The following ATP8B4 variants were observed in gnomAD, a reference collection of about 807,000 sequenced individuals.
The protein encoded by ATP8B4 is probable phospholipid-transporting ATPase IM.
In ATP8B4, 133 loss-of-function variants were observed where a neutral mutation model predicts 145.6. The observed-to-expected ratio is 0.91, with a 90% CI of 0.79 to 1.05. The LOEUF is 1.05. Ranked by LOEUF, ATP8B4 falls within the 50% of genes least tolerant of loss-of-function variation. The probability of loss-of-function intolerance (pLI) is 0.00; values close to 1 mark genes in which losing one functional copy is unlikely to be tolerated. For synonymous variants in ATP8B4, 507 were observed against 492.9 expected, an observed-to-expected ratio of 1.03 and a Z score of -0.38; for missense variants, 1,458 against 1,425.2, an observed-to-expected ratio of 1.02 and a Z score of -0.37.
chr15:50,137,612 A>T (rs1165076154), intron 1 of ATP8B4, among the ~76,000 whole-genome samples: 1 of 152,252 alleles, frequency 6.6e-6, no homozygotes, highest in Non-Finnish European at 1.5e-5. Context: ...AATTGCCAAG[A>T]AATGCATAAC....
chr15:50,021,752 T>C (rs2049590809), intron 6 of ATP8B4, among the ~76,000 whole-genome samples: 1 of 152,242 alleles, frequency 6.6e-6, no homozygotes, highest in African/African-American at 2.4e-5. Flanking sequence ...TAGAATGTTG[T>C]TCACTAGGGC....
chr15:50,172,966 G>A (rs1490812405), intron 1 of ATP8B4, among the ~76,000 whole-genome samples: 1 of 150,796 alleles, frequency 6.6e-6, no homozygotes, highest in African/African-American at 2.4e-5. Context: ...CATCCGGGAG[G>A]TGGGGGGCAG....
chr15:50,131,791 T>C (rs1353139641), intron 1 of ATP8B4, among the ~76,000 whole-genome samples: 1 of 148,996 alleles, frequency 6.7e-6, no homozygotes, highest in Non-Finnish European at 1.5e-5. Context: ...ATAAATATTT[T>C]AATACTAAAA....
chr15:49,877,215 C>G (rs568943836), intron 24 of ATP8B4, among the ~76,000 whole-genome samples: 2 of 152,156 alleles, frequency 1.3e-5, no homozygotes, highest in Non-Finnish European at 2.9e-5. Flanking sequence ...CTTATCAAAC[C>G]TAATGTGCAC....
chr15:49,919,738 A>G (rs1237725898), intron 18 of ATP8B4, among the ~76,000 whole-genome samples: 4 of 152,100 alleles, frequency 2.6e-5, no homozygotes, highest in Non-Finnish European at 5.9e-5. Flanking sequence ...TCAAAAGTTG[A>G]GCAAAGCATA....
intron 12 of ATP8B4, among the ~76,000 whole-genome samples, chr15:49,975,294 C>T (rs995945066): frequency 2.0e-5 from 3 of 152,044 alleles, no homozygotes; most frequent in Non-Finnish European, 4.4e-5. Context: ...CATATAGATT[C>T]ATACCATAGT....
intron 20 of ATP8B4, among the ~76,000 whole-genome samples, chr15:49,906,717 G>T (rs530110028): frequency 6.6e-6 from 1 of 152,254 alleles, no homozygotes; most frequent in Non-Finnish European, 1.5e-5. Flanking sequence ...ATTTCTTTAA[G>T]TATCAAAAGA....
intron 26 of ATP8B4, among the ~76,000 whole-genome samples, chr15:49,863,823 A>T (rs972955963): frequency 1.4e-4 from 22 of 152,190 alleles, no homozygotes; most frequent in Admixed American, 7.2e-4. Context: ...GAAAAAAAAA[A>T]TTTTCCTGAA....
At chr15:49,897,165 T>A (rs1187438986) in intron 23 of ATP8B4, 127 bp downstream of exon 23, 1 of 843,040 alleles carries the variant, frequency 1.2e-6, no homozygotes, top group Non-Finnish European at 1.8e-6. Context: ...ATTGTAATAC[T>A]ATTACTTGAA....
chr15:49,934,222 A>C, intron 14 of ATP8B4, 40 bp from the exon 15 acceptor site: 2 of 1,551,104 alleles, frequency 1.3e-6, no homozygotes, highest in Non-Finnish European at 1.7e-6. Context: ...CCAAAACCTC[A>C]TTCCAATAAT....
intron 23 of ATP8B4, chr15:49,880,392 T>A (rs555374966): frequency 1.1e-4 from 17 of 152,326 alleles, no homozygotes; most frequent in African/African-American, 3.8e-4. Context: ...CAAGAAAGCA[T>A]CCACTATGCT....
At chr15:50,090,468 G>C (rs1432702105) in intron 2 of ATP8B4, among the ~76,000 whole-genome samples, 1 of 152,176 alleles carries the variant, frequency 6.6e-6, no homozygotes, top group East Asian at 1.9e-4. Flanking sequence ...AATGAAATTA[G>C]TGCCACCCCT....
intron 1 of ATP8B4, among the ~76,000 whole-genome samples, chr15:50,158,576 G>A (rs1331273957): frequency 7.9e-5 from 12 of 152,186 alleles, no homozygotes; most frequent in Admixed American, 7.8e-4. Context: ...GAGCCCCTCT[G>A]CCCGGCCACC....
rs920815018 is a variant in ATP8B4 at position 50,132,080 on chromosome 15, C to A, written c.-42-25072G>T. ...CACACACACTATAATAGTCATTCAA[C>A]AATTGGCCTGTGGTTTGGCACCCCC... On this transcript the variant is annotated intron_variant, in intron 1 of 3. Transcript: ENST00000558829. 5.1e-4 allele frequency among the ~76,000 whole-genome samples: 78 copies of A among 152,050 alleles called. 1 individual carries two copies. Among genetic ancestry groups the A allele is most frequent in the Admixed American group, 4.9e-3 (75 of 15,254 alleles).
intron 2 of ATP8B4, among the ~76,000 whole-genome samples, chr15:50,086,583 AAAT>A (rs1334878482): frequency 3.6e-5 from 4 of 112,102 alleles, no homozygotes; most frequent in African/African-American, 7.9e-5. Context: ...ATATATAATA[AAAT>A]AATATAGAGA....
chr15:50,073,015 TATATACAC>T (rs1481853754), intron 3 of ATP8B4, among the ~76,000 whole-genome samples: 201 of 35,830 alleles, frequency 5.6e-3, no homozygotes, highest in African/African-American at 0.021. Flanking sequence ...TATATATATA[TATATACAC>T]ACACACACAC....
chr15:50,024,722 C>G (rs2049876383), intron 6 of ATP8B4, among the ~76,000 whole-genome samples: 2 of 152,210 alleles, frequency 1.3e-5, no homozygotes, highest in Admixed American at 6.5e-5. Flanking sequence ...CTGGGGGCAG[C>G]TGCGAATGAA....
chr15:50,087,306 AT>A (rs2055259516), intron 2 of ATP8B4, among the ~76,000 whole-genome samples: 1 of 123,304 alleles, frequency 8.1e-6, no homozygotes. Flanking sequence ...TATATCTATT[AT>A]ATATAATAGA....
intron 14 of ATP8B4, among the ~76,000 whole-genome samples, chr15:49,938,204 G>T (rs1375089421): frequency 6.6e-6 from 1 of 152,100 alleles, no homozygotes; most frequent in Non-Finnish European, 1.5e-5. Context: ...ATAGTTTACA[G>T]GCCGTGTAGA....
Sources: gnomAD v4.1 joint callset for allele counts (sites outside exome capture counted in the v4.1 genomes callset) on GRCh38, gnomAD v4.1.1 for gene constraint, MANE v1.5 for transcripts, NCBI Gene and HGNC (gene_info 2026-07-23, HGNC 2026-07-21) for gene names.